The following ATM variants were observed in gnomAD, a reference collection of about 807,000 sequenced individuals.
ATM encodes ATM serine/threonine kinase, also known as serine-protein kinase ATM.
Under a neutral mutation model 387.0 loss-of-function variants are expected in ATM, and 308 were observed. The observed-to-expected ratio is 0.80, with a 90% CI of 0.73 to 0.87. The LOEUF is 0.87. Ranked by LOEUF, ATM falls within the 40% of genes least tolerant of loss-of-function variation. The pLI, the probability that ATM is intolerant of heterozygous loss-of-function variation, is 0.00. For missense variants in ATM, 3,312 were observed against 3,560.9 expected, an observed-to-expected ratio of 0.93 and a Z score of 1.78; for synonymous variants, 1,156 against 1,187.3, an observed-to-expected ratio of 0.97 and a Z score of 0.54.
chr11:108,225,332 A>G (rs555502310), intron 1 of ATM: 1 of 152,372 alleles, frequency 6.6e-6, no homozygotes, highest in African/African-American at 2.4e-5. Context: ...TCAAATAACA[A>G]TCTGTAATCT....
At chr11:108,282,392 C>T (rs571360644) in intron 24 of ATM, among the ~76,000 whole-genome samples, 141 of 152,242 alleles carry the variant, frequency 9.3e-4, no homozygotes, top group African/African-American at 3.1e-3. Flanking sequence ...ACTCCCAAAG[C>T]GTTGGGATTA....
rs887323069 is a variant in ATM at position 108,366,911 on chromosome 11, C to G, written c.*1403C>G. On this transcript the variant is annotated 3_prime_UTR_variant, in exon 63 of 63. Coordinates refer to ENST00000675843, the MANE Select transcript of ATM (RefSeq NM_000051.4). ...CCATATAGATGTCTAAGCTAAAAGC[C>G]GTGGGTTAATGAGACTGGCAAATTG... 2.2e-5 allele frequency: 5 copies of G among 225,632 alleles called. No homozygotes were observed. The highest frequency in any genetic ancestry group is 8.9e-5 in the African/African-American group (4 of 44,872). The allele number at this position is 225,632 out of a possible 1,614,324, so 14.0% of individuals were successfully genotyped here.
At chr11:108,308,868 G>T in intron 38 of ATM, 1 of 666,068 alleles carries the variant, frequency 1.5e-6, no homozygotes, top group South Asian at 1.8e-5. Context: ...TTTTATACCA[G>T]ATTATCTTCT....
At position 108,250,706 on chromosome 11, in the gene ATM, A is replaced by T. The variant is rs2080088877; in HGVS notation, c.1241A>T (p.Gln414Leu). 1.3e-6 allele frequency: 2 copies of T among 1,596,910 alleles called. No individual in the cohort carries two copies. Among genetic ancestry groups the T allele is most frequent in the African/African-American group, 1.4e-5 (1 of 73,478 alleles). Reference sequence around the variant, plus strand: ...TCCTTTTTTTTTTTTTTTAGGCTACAGATTGCAACCCAATTAATATCAAAG... The same window carrying T: ...TCCTTTTTTTTTTTTTTTAGGCTACTGATTGCAACCCAATTAATATCAAAG... ...QNDFDLVPWLQIATQLISKYP... is the reference protein window; with the variant it reads ...QNDFDLVPWLLIATQLISKYP... The change falls in exon 10 of 63, where the codon CAG becomes CTG. Residue 414 changes from glutamine to leucine, a missense_variant. By Grantham distance (113) the Gln-to-Leu change is moderately radical (BLOSUM62 -2). This residue lies in a region of ATM where 1,791 missense variants were observed against 1,804.5 expected (regional missense o/e 0.99). Coordinates refer to ENST00000675843, the MANE Select transcript of ATM (RefSeq NM_000051.4).
rs1565474013 is a variant in ATM, at chr11:108,299,821, G to A, written c.5113G>A (p.Asp1705Asn). 6.2e-7 allele frequency: 1 copy of A among 1,613,846 alleles called. No individual in the cohort carries two copies. Among genetic ancestry groups the A allele is most frequent in the Non-Finnish European group, 8.5e-7 (1 of 1,179,842 alleles). ...SYTKALKLFEDKELQWTFIML... is the reference protein window; with the variant it reads ...SYTKALKLFENKELQWTFIML... The stretch of plus-strand genomic sequence containing the variant: ...TACCAAGGCCCTTAAGTTATTTGAA[G>A]ATAAAGAACTTCAGTGGACCTTCAT... Residue 1705 changes from aspartate (D) to asparagine (N), a missense_variant, in exon 34 of 63, where the codon GAT becomes AAT. By Grantham distance (23) the Asp-to-Asn change is conservative. This residue lies in a region of ATM where 1,405 missense variants were observed against 1,604.4 expected (regional missense o/e 0.88). Coordinates refer to ENST00000675843, the MANE Select transcript of ATM (RefSeq NM_000051.4).
intron 22 of ATM, among the ~76,000 whole-genome samples, chr11:108,274,837 T>A (rs1269672445): frequency 6.6e-6 from 1 of 152,182 alleles, no homozygotes; most frequent in African/African-American, 2.4e-5. Context: ...AGAATGTATA[T>A]TACTCTGTTG....
intron 15 of ATM, among the ~76,000 whole-genome samples, chr11:108,257,886 C>T (rs1278528305): frequency 6.6e-6 from 1 of 151,720 alleles, no homozygotes; most frequent in Non-Finnish European, 1.5e-5. Flanking sequence ...TTTTATTTTT[C>T]TTTTTTTTGA....
At chr11:108,358,539 CAGAG>C (rs1381378127) in intron 61 of ATM, among the ~76,000 whole-genome samples, 1 of 136,960 alleles carries the variant, frequency 7.3e-6, no homozygotes, top group Non-Finnish European at 1.6e-5. Flanking sequence ...TAAGGGCAGC[CAGAG>C]AGAAAGGTCG....
rs1309605588 is a variant in ATM, at chr11:108,287,634, T to C, written c.4028T>C (p.Ile1343Thr). 8 of 1,613,394 alleles carry C rather than the reference T, an allele frequency of 5.0e-6. No individual in the cohort carries two copies. Among genetic ancestry groups the C allele is most frequent in the Non-Finnish European group, 6.8e-6 (8 of 1,179,728 alleles). ...TTATTCATTAGTAATTTACCAGAGATTGTGGTGGAGTTATTGATGACGTTA... is the reference window on the plus strand; with the variant it reads ...TTATTCATTAGTAATTTACCAGAGACTGTGGTGGAGTTATTGATGACGTTA... ...DHLFISNLPE[I>T]VVELLMTLHE... The change falls in exon 27 of 63, where the codon ATT (isoleucine) becomes ACT (threonine). Residue 1343 changes from isoleucine to threonine, a missense_variant. Transcript: ENST00000675843.
chr11:108,272,728 C>T lies in ATM; in HGVS notation c.3160C>T (p.Pro1054Ser), dbSNP rs775095314. The stretch of plus-strand genomic sequence containing the variant: ...CACAGTTCTTTTCCCGTAGGCTGAT[C>T]CTTATTCAAAATGGGCCATTCTTAA... ...NCLKTLLEAD[P>S]YSKWAILNVM... is the part of the protein sequence containing the mutation. The change falls in exon 22 of 63, where the codon CCT (proline) becomes TCT (serine). Residue 1054 changes from proline (P) to serine (S), a missense_variant. Physicochemically the swap from Pro to Ser is moderately conservative, Grantham distance 74 (BLOSUM62 -1). Coordinates refer to ENST00000675843, the MANE Select transcript of ATM (RefSeq NM_000051.4). 6 of 1,613,880 alleles carry T rather than the reference C, an allele frequency of 3.7e-6. No individual in the cohort carries two copies. In the South Asian group the frequency reaches 4.4e-5, roughly 12 times the overall value.
At chr11:108,265,330 A>G (rs900661696) in intron 16 of ATM, among the ~76,000 whole-genome samples, 3 of 152,168 alleles carry the variant, frequency 2.0e-5, no homozygotes, top group Non-Finnish European at 2.9e-5. Context: ...ATAACGCTGC[A>G]TATCTACAAC....
At chr11:108,351,710 G>A (rs975268890) in intron 59 of ATM, among the ~76,000 whole-genome samples, 1 of 152,174 alleles carries the variant, frequency 6.6e-6, no homozygotes, top group Non-Finnish European at 1.5e-5. Context: ...GGCTAGGCCT[G>A]CAACTTGCAC....
chr11:108,247,254 A>T (rs935865619), intron 8 of ATM, 127 bp downstream of exon 8: 2 of 806,784 alleles, frequency 2.5e-6, no homozygotes, highest in East Asian at 5.3e-5. Context: ...ACATGCAACT[A>T]TTCCTTTCAA....
At chr11:108,241,623 G>A (rs1427506025) in intron 5 of ATM, among the ~76,000 whole-genome samples, 6 of 151,632 alleles carry the variant, frequency 4.0e-5, no homozygotes, top group African/African-American at 1.5e-4. Context: ...TGTAGTATGT[G>A]ACTGTGGTTG....
chr11:108,314,735 G>T (rs984673230), intron 40 of ATM, among the ~76,000 whole-genome samples: 1 of 152,054 alleles, frequency 6.6e-6, no homozygotes, highest in Non-Finnish European at 1.5e-5. Flanking sequence ...AAGCCCTACC[G>T]ATGATATAAA....
chr11:108,288,068 C>T (rs2082589005), intron 27 of ATM, among the ~76,000 whole-genome samples: 1 of 151,602 alleles, frequency 6.6e-6, no homozygotes, highest in African/African-American at 2.4e-5. Flanking sequence ...CTTTCTAGAT[C>T]ACCTTTTCTT....
chr11:108,362,391 C>A (rs917539325), intron 61 of ATM, among the ~76,000 whole-genome samples: 3 of 151,748 alleles, frequency 2.0e-5, no homozygotes, highest in Non-Finnish European at 2.9e-5. Flanking sequence ...GTCAGTGTGG[C>A]GATTCCTCAG....
intron 61 of ATM, among the ~76,000 whole-genome samples, chr11:108,360,049 G>C (rs1422434414): frequency 6.6e-6 from 1 of 151,576 alleles, no homozygotes; most frequent in Non-Finnish European, 1.5e-5. Context: ...TAGACCGCTA[G>C]CAAGACTAAT....
At chr11:108,277,819 C>T (rs1280766698) in intron 22 of ATM, among the ~76,000 whole-genome samples, 1 of 152,174 alleles carries the variant, frequency 6.6e-6, no homozygotes, top group Non-Finnish European at 1.5e-5. Context: ...AGAACTGTTC[C>T]TATGTTGCCA....
Sources: gnomAD v4.1 joint callset for allele counts (sites outside exome capture counted in the v4.1 genomes callset) on GRCh38, gnomAD v4.1.1 for gene constraint, gnomAD v4.1.1 regional missense constraint, MANE v1.5 for transcripts, NCBI Gene and HGNC (gene_info 2026-07-23, HGNC 2026-07-21) for gene names.